The following ATG13 variants were observed in gnomAD, a reference collection of about 807,000 sequenced individuals.
ATG13 encodes autophagy-related protein 13.
ATG13 carries 23 observed loss-of-function variants against 65.5 expected under a neutral mutation model. The ratio of observed to expected loss-of-function variants is 0.35; its 90% CI spans 0.25 to 0.50. The LOEUF is 0.50. ATG13 is among the 20% of genes least tolerant of loss of function. The probability of loss-of-function intolerance (pLI) is 0.98; values close to 1 mark genes in which losing one functional copy is unlikely to be tolerated. For synonymous variants in ATG13, 252 were observed against 245.2 expected (o/e 1.03, Z -0.26); for missense variants, 566 against 677.0 (o/e 0.84, Z 1.82).
At chr11:46,668,947 C>T (rs566474328) in intron 17 of ATG13, 37 bp downstream of exon 17, 131 of 1,508,922 alleles carry the variant, frequency 8.7e-5, no homozygotes, top group Non-Finnish European at 1.1e-4. Flanking sequence ...TTTGCTGTCC[C>T]GGGGAACTAG....
intron 18 of ATG13, among the ~76,000 whole-genome samples, chr11:46,670,180 C>T (rs571125686): frequency 6.6e-6 from 1 of 152,208 alleles, no homozygotes; most frequent in Non-Finnish European, 1.5e-5. Flanking sequence ...AAAGCATGCC[C>T]AGTAATAACA....
chr11:46,665,089 C>G, intron 13 of ATG13, 130 bp downstream of exon 13: 1 of 966,500 alleles, frequency 1.0e-6, no homozygotes, highest in Non-Finnish European at 1.6e-6. Context: ...TCTTTCGTGA[C>G]TTCAGAGACC....
intron 11 of ATG13, among the ~76,000 whole-genome samples, chr11:46,660,776 A>G (rs2061022477): frequency 6.8e-6 from 1 of 147,720 alleles, no homozygotes; most frequent in Non-Finnish European, 1.5e-5. Context: ...TGGTGCAGTC[A>G]TGGGTCACTG....
intron 1 of ATG13, among the ~76,000 whole-genome samples, chr11:46,628,399 A>G (rs1223078912): frequency 6.6e-6 from 1 of 152,184 alleles, no homozygotes; most frequent in African/African-American, 2.4e-5. Flanking sequence ...TCTGTCTCAA[A>G]AAAAACCTGA....
intron 5 of ATG13, among the ~76,000 whole-genome samples, chr11:46,647,155 CT>C (rs1454273870): frequency 1.3e-5 from 2 of 152,194 alleles, no homozygotes; most frequent in Non-Finnish European, 2.9e-5. Context: ...AACTTTCCCC[CT>C]TTTAATGGGA....
chr11:46,658,782 T>C (rs1253881789), intron 10 of ATG13, among the ~76,000 whole-genome samples: 1 of 152,096 alleles, frequency 6.6e-6, no homozygotes, highest in East Asian at 1.9e-4. Context: ...ATGATCCGCC[T>C]GCTTCGGCCT....
chr11:46,648,288 A>T (rs1371920879), intron 5 of ATG13, among the ~76,000 whole-genome samples: 1 of 151,934 alleles, frequency 6.6e-6, no homozygotes, highest in African/African-American at 2.4e-5. Flanking sequence ...TACAACTCCC[A>T]AAGTGCTGGG....
chr11:46,644,450 T>C (rs1461769516), intron 3 of ATG13, 90 bp downstream of exon 3: 1 of 1,159,638 alleles, frequency 8.6e-7, no homozygotes, highest in Non-Finnish European at 1.2e-6. Flanking sequence ...GAAAGTAGCA[T>C]AACAGCTTGC....
chr11:46,665,799 T>C (rs1051347845), intron 14 of ATG13, among the ~76,000 whole-genome samples: 2 of 121,396 alleles, frequency 1.6e-5, no homozygotes, highest in African/African-American at 6.4e-5. Context: ...TATTTTTCCT[T>C]TTTTTTTTTT....
At chr11:46,650,637 G>A (rs918147912) in intron 7 of ATG13, among the ~76,000 whole-genome samples, 6 of 152,180 alleles carry the variant, frequency 3.9e-5, no homozygotes, top group Admixed American at 1.3e-4. Context: ...ACGGAGTCTC[G>A]CTCCATCGCC....
chr11:46,618,941 C>G (rs1332303752), intron 1 of ATG13, among the ~76,000 whole-genome samples: 2 of 152,156 alleles, frequency 1.3e-5, no homozygotes, highest in Admixed American at 6.5e-5. Flanking sequence ...CCTCAGCCTT[C>G]TAAAGTGTTG....
chr11:46,649,108 C>A (rs2136402033), intron 5 of ATG13, 29 bp from the exon 6 acceptor site: 1 of 1,593,476 alleles, frequency 6.3e-7, no homozygotes, highest in East Asian at 2.3e-5. Context: ...ATTTTTTAAA[C>A]AAATATTTTA....
At chr11:46,619,343 T>C (rs1410403986) in intron 1 of ATG13, among the ~76,000 whole-genome samples, 2 of 151,250 alleles carry the variant, frequency 1.3e-5, no homozygotes, top group African/African-American at 4.9e-5. Flanking sequence ...CTGATTTTTT[T>C]TTAATGTCCT....
At chr11:46,629,512 T>A (rs532851906) in intron 1 of ATG13, among the ~76,000 whole-genome samples, 152 of 152,240 alleles carry the variant, frequency 1.0e-3, no homozygotes, top group Non-Finnish European at 1.5e-3. Context: ...TTCTCCTGCC[T>A]CAGCCTCCCA....
chr11:46,635,395 A>G (rs1217488896), intron 2 of ATG13, among the ~76,000 whole-genome samples: 2 of 152,228 alleles, frequency 1.3e-5, no homozygotes, highest in Admixed American at 6.5e-5. Flanking sequence ...TACATTGTGT[A>G]ATGATCAAAT....
intron 1 of ATG13, among the ~76,000 whole-genome samples, chr11:46,628,967 C>A (rs954798086): frequency 6.7e-6 from 1 of 148,694 alleles, no homozygotes; most frequent in Non-Finnish European, 1.5e-5. Flanking sequence ...GACGGAGTCT[C>A]ACTGTGTCAC....
Position 46,667,897 on chromosome 11 carries a change from C to G in ATG13, c.1251+10C>G. The G allele has an allele frequency of 3.2e-6, 5 of 1,585,948 alleles. No individual in the cohort carries two copies. The highest frequency in any genetic ancestry group is 4.3e-6 in the Non-Finnish European group (5 of 1,155,172). Reference sequence around the variant, plus strand: ...CAAACCCATTAACCAGGTGATTTTTCTGCCACTGCCACCTGTGAGAATGTC... The same window carrying G: ...CAAACCCATTAACCAGGTGATTTTTGTGCCACTGCCACCTGTGAGAATGTC... On this transcript the variant is annotated intron_variant, in intron 15 of 18. Transcript: ENST00000683050.
chr11:46,637,473 A>T (rs1228510913), intron 2 of ATG13, among the ~76,000 whole-genome samples: 1 of 152,076 alleles, frequency 6.6e-6, no homozygotes, highest in Non-Finnish European at 1.5e-5. Context: ...CCAGGGTTCA[A>T]GTGATTCTCT....
chr11:46,669,627 G>A, intron 18 of ATG13, 95 bp downstream of exon 18: 6 of 1,384,848 alleles, frequency 4.3e-6, no homozygotes, highest in Non-Finnish European at 6.0e-6. Flanking sequence ...TATCTTCCCT[G>A]TAATAGGAAA....
Sources: allele counts gnomAD v4.1 joint callset (sites outside exome capture counted in the v4.1 genomes callset), GRCh38; gene constraint gnomAD v4.1.1; transcripts MANE v1.5; gene names NCBI Gene and HGNC (gene_info 2026-07-23, HGNC 2026-07-21).